Variants in ZNF541 observed in about 807,000 individuals in gnomAD.
ZNF541 encodes zinc finger protein 541.
Under a neutral mutation model 123.5 loss-of-function variants are expected in ZNF541, and 23 were observed. The observed-to-expected ratio is 0.19, with a 90% CI of 0.13 to 0.26. The LOEUF (loss-of-function observed/expected upper bound fraction) is 0.26, where lower values mean the gene tolerates loss of function less well. Among genes scored for constraint, ZNF541 ranks in the 10% least tolerant of loss-of-function variants. The probability of loss-of-function intolerance (pLI) is 1.00; values close to 1 mark genes in which losing one functional copy is unlikely to be tolerated. For synonymous variants in ZNF541, 751 were observed against 754.5 expected (o/e 1.00, Z 0.08); for missense variants, 1,612 against 1,789.9 (o/e 0.90, Z 1.79).
chr19:47,558,746 A>ATT (rs560549219), intron 2 of ZNF541, among the ~76,000 whole-genome samples: 2 of 138,326 alleles, frequency 1.4e-5, no homozygotes, highest in East Asian at 2.2e-4. Flanking sequence ...CGCCCAGCTA[A>ATT]TTTTTTTTTT....
intron 2 of ZNF541, among the ~76,000 whole-genome samples, chr19:47,563,636 T>C (rs992491369): frequency 3.9e-5 from 6 of 152,184 alleles, no homozygotes; most frequent in Non-Finnish European, 7.3e-5. Flanking sequence ...AGACGAAGTC[T>C]TGCTGTGTCC....
chr19:47,532,810 A>C (rs552600730), intron 10 of ZNF541, 99 bp downstream of exon 10: 3 of 1,230,136 alleles, frequency 2.4e-6, no homozygotes, highest in East Asian at 5.3e-5. Context: ...TATGTGAGTA[A>C]ACCTGAACCC....
At chr19:47,557,145 T>C (rs1194834518) in intron 2 of ZNF541, among the ~76,000 whole-genome samples, 3 of 152,148 alleles carry the variant, frequency 2.0e-5, no homozygotes, top group African/African-American at 7.2e-5. Context: ...ATGTGGCTCC[T>C]AGGAAATTTA....
At chr19:47,538,516 CA>C (rs1969931869) in intron 8 of ZNF541, 77 bp from the exon 9 acceptor site, 1 of 1,390,618 alleles carries the variant, frequency 7.2e-7, no homozygotes, top group Non-Finnish European at 9.5e-7. Flanking sequence ...GGAAAGAGAG[CA>C]GGAAAAGGAG....
At position 47,571,269 on chromosome 19, in the gene ZNF541, C is replaced by T. The variant is rs144544748; in HGVS notation, c.-99+627G>A. 3.2e-3 allele frequency among the ~76,000 whole-genome samples: 490 copies of T among 152,188 alleles called. 2 individuals are homozygous for T. Among genetic ancestry groups the T allele is most frequent in the African/African-American group, 0.011 (459 of 41,560 alleles). On this transcript the variant is annotated intron_variant, in intron 2 of 16. Coordinates refer to ENST00000391901, the MANE Select transcript of ZNF541 (RefSeq NM_001277075.3). ...CTGGGACTACAGGCGCCTGCCACCA[C>T]ATCCAACTAATTTTTTGTATTTTTA... is the stretch of plus-strand genomic sequence containing the variant.
At chr19:47,535,485 C>A (rs534767785) in intron 9 of ZNF541, among the ~76,000 whole-genome samples, 6 of 152,214 alleles carry the variant, frequency 3.9e-5, no homozygotes, top group Admixed American at 6.5e-5. Flanking sequence ...TGAAAATGTT[C>A]ATATACTGCT....
chr19:47,529,023 G>C lies in ZNF541; in HGVS notation c.3497C>G (p.Thr1166Ser). 1 of 1,551,534 alleles carries C rather than the reference G, an allele frequency of 6.4e-7. No individual in the cohort carries two copies. The highest frequency in any genetic ancestry group is 8.7e-7 in the Non-Finnish European group (1 of 1,146,922). Residue 1166 changes from threonine to serine, a missense_variant, in exon 14 of 17, where the codon ACC becomes AGC. Thr to Ser is a moderately conservative substitution (Grantham distance 58). Coordinates refer to ENST00000391901, the MANE Select transcript of ZNF541 (RefSeq NM_001277075.3). ...DYRYTGSDVW[T>S]PIEKRLFKKA... ...CTTAAAAAGCCTCTTCTCTATAGGG[G>C]TCCAGACGTCTGAACCTATCAAAGA...
At chr19:47,548,357 C>CGCTTGAACCTGGGAGGTGAAGGTTGT (rs1970448498) in intron 4 of ZNF541, among the ~76,000 whole-genome samples, 1 of 145,030 alleles carries the variant, frequency 6.9e-6, no homozygotes, top group South Asian at 2.2e-4. Flanking sequence ...GCAGGAGAAT[C>CGCTTGAACCTGGGAGGTGAAGGTTGT]GCTTGAACCT....
At chr19:47,568,638 C>G (rs892651812) in intron 2 of ZNF541, among the ~76,000 whole-genome samples, 1 of 151,896 alleles carries the variant, frequency 6.6e-6, no homozygotes, top group African/African-American at 2.4e-5. Context: ...GCCACTGCAC[C>G]CGGCCTGCAA....
chr19:47,555,092 G>A (rs916403049), intron 3 of ZNF541, among the ~76,000 whole-genome samples: 1 of 151,402 alleles, frequency 6.6e-6, no homozygotes, highest in Non-Finnish European at 1.5e-5. Context: ...AGAATTGGCC[G>A]GGTGCGGTGG....
At chr19:47,566,019 A>C (rs769002565) in intron 2 of ZNF541, among the ~76,000 whole-genome samples, 10 of 151,970 alleles carry the variant, frequency 6.6e-5, no homozygotes, top group Non-Finnish European at 1.2e-4. Context: ...TCTACTAAAA[A>C]TACAAAAATT....
chr19:47,536,071 A>G lies in ZNF541; in HGVS notation c.3094+2071T>C, dbSNP rs58417918. On this transcript the variant is annotated intron_variant, in intron 9 of 16. Coordinates refer to ENST00000391901, the MANE Select transcript of ZNF541 (RefSeq NM_001277075.3). ...CCAAAATATAGGGATATGTCTGGCT[A>G]GTTATCTGCAGCAGGTGCATGTCCT... 6.6e-5 allele frequency among the ~76,000 whole-genome samples: 10 copies of G among 152,342 alleles called. No homozygotes were observed. In the East Asian group the frequency reaches 1.7e-3, roughly 26 times the overall value.
At chr19:47,552,187 T>G (rs1157845602) in intron 3 of ZNF541, among the ~76,000 whole-genome samples, 2 of 152,094 alleles carry the variant, frequency 1.3e-5, no homozygotes, top group East Asian at 3.9e-4. Context: ...AAATAATAAT[T>G]TATCAGGGAT....
Position 47,545,204 on chromosome 19 carries a change from C to T in ZNF541, c.1325G>A (p.Arg442Gln), listed in dbSNP as rs1970282317. The T allele has an allele frequency of 2.6e-6, 4 of 1,527,620 alleles. No individual in the cohort carries two copies. Among genetic ancestry groups the T allele is most frequent in the African/African-American group, 2.8e-5 (2 of 72,652 alleles). 94.6% of individuals were successfully genotyped at this position (1,527,620 alleles called of 1,614,324 possible). A position where few individuals can be genotyped will look rare whatever the true frequency, so the allele number is the denominator to read the frequency against. Residue 442 changes from arginine to glutamine, a missense_variant, in exon 5 of 17, where the codon CGG becomes CAG. By Grantham distance (43) the Arg-to-Gln change is conservative. Coordinates refer to ENST00000391901, the MANE Select transcript of ZNF541 (RefSeq NM_001277075.3). The surrounding 1 kb of genome is among the most constrained non-coding windows in gnomAD (Gnocchi z 7.5). ...TCCCGGGCCAGACTCGGAGCCCTCCCGCGAGGGCACGGCCGAGGGCTTGTG... is the reference window on the plus strand; with the variant it reads ...TCCCGGGCCAGACTCGGAGCCCTCCTGCGAGGGCACGGCCGAGGGCTTGTG... Reference protein sequence around the residue: ...VVHKPSAVPSREGSESGPGPS... With the variant: ...VVHKPSAVPSQEGSESGPGPS...
At chr19:47,532,770 A>G in intron 10 of ZNF541, 139 bp downstream of exon 10, 1 of 602,878 alleles carries the variant, frequency 1.7e-6, no homozygotes, top group South Asian at 2.9e-5. Flanking sequence ...ATATATTTGG[A>G]AAAATCTACC....
chr19:47,532,541 C>G (rs752816263), intron 10 of ZNF541, among the ~76,000 whole-genome samples: 8 of 152,116 alleles, frequency 5.3e-5, no homozygotes, highest in Non-Finnish European at 1.0e-4. Context: ...CAAGCTGACA[C>G]CCGGCATGTG....
At chr19:47,533,214 C>T (rs915000033) in intron 9 of ZNF541, among the ~76,000 whole-genome samples, 6 of 150,752 alleles carry the variant, frequency 4.0e-5, no homozygotes, top group African/African-American at 1.5e-4. Flanking sequence ...ACTTAAAATA[C>T]AAAAAAAAGT....
chr19:47,530,501 T>C (rs1969519252), intron 12 of ZNF541, among the ~76,000 whole-genome samples: 1 of 151,622 alleles, frequency 6.6e-6, no homozygotes, highest in South Asian at 2.1e-4. Context: ...ACAATTTGAC[T>C]TTCCTAAAAT....
chr19:47,545,894 G>C lies in ZNF541; in HGVS notation c.635C>G (p.Ser212Cys), dbSNP rs1330780150. Residue 212 changes from serine to cysteine, a missense_variant, in exon 5 of 17, where the codon TCT (serine) becomes TGT (cysteine). By Grantham distance (112) the Ser-to-Cys change is moderately radical. This residue lies in a region of ZNF541 where 212 missense variants were observed against 289.6 expected (regional missense o/e 0.73). Coordinates refer to ENST00000391901, the MANE Select transcript of ZNF541 (RefSeq NM_001277075.3). The surrounding 1 kb of genome is among the most constrained non-coding windows in gnomAD (Gnocchi z 7.5). ...GCSKSYCDYR[S>C]LRRHYEVHHG... Reference sequence around the variant, plus strand: ...ATGGACCTCGTAGTGCCGGCGCAGAGAGCGGTAGTCGCAGTAGCTCTTGCT... The same window carrying C: ...ATGGACCTCGTAGTGCCGGCGCAGACAGCGGTAGTCGCAGTAGCTCTTGCT... The C allele has an allele frequency of 1.9e-6, 3 of 1,548,424 alleles. No individual in the cohort carries two copies. The highest frequency in any genetic ancestry group is 2.7e-5 in the African/African-American group (2 of 73,120).
Sources: gnomAD v4.1 joint callset for allele counts (sites outside exome capture counted in the v4.1 genomes callset) on GRCh38, gnomAD v4.1.1 for gene constraint, gnomAD v4.1.1 regional missense constraint, Gnocchi (gnomAD v3.1) non-coding constraint, MANE v1.5 for transcripts, NCBI Gene and HGNC (gene_info 2026-07-23, HGNC 2026-07-21) for gene names.